MIX23: variants seen among roughly 807,000 people sequenced by gnomAD.
MIX23 encodes protein MIX23.
MIX23 carries 13 observed loss-of-function variants against 21.6 expected under a neutral mutation model. The observed-to-expected ratio is 0.60, with a 90% CI of 0.39 to 0.96. The LOEUF is 0.96. Ranked by LOEUF, MIX23 falls within the 40% of genes least tolerant of loss-of-function variation. The probability of loss-of-function intolerance (pLI) is 0.00; values close to 1 mark genes in which losing one functional copy is unlikely to be tolerated. For missense variants in MIX23, 144 were observed against 171.2 expected, an observed-to-expected ratio of 0.84 and a Z score of 0.89; for synonymous variants, 59 against 58.0, an observed-to-expected ratio of 1.02 and a Z score of -0.08.
chr3:122,375,610 T>C (rs2075479986), intron 1 of MIX23, among the ~76,000 whole-genome samples: 1 of 152,172 alleles, frequency 6.6e-6, no homozygotes, highest in Non-Finnish European at 1.5e-5. Context: ...GGGGGATGGG[T>C]ACATGAGTGT....
At chr3:122,365,354 G>T (rs2075388648) in intron 3 of MIX23, 2 of 152,110 alleles carry the variant, frequency 1.3e-5, no homozygotes, top group African/African-American at 4.8e-5. Context: ...GGCTTTGGGG[G>T]TGTCAGTTAG....
intron 1 of MIX23, among the ~76,000 whole-genome samples, chr3:122,373,438 T>A (rs1354109806): frequency 6.6e-6 from 1 of 152,086 alleles, no homozygotes; most frequent in African/African-American, 2.4e-5. Context: ...ACCTTGCTAA[T>A]TTTTTTGTAT....
chr3:122,372,224 C>CAAAAAAA (rs55800173), intron 1 of MIX23, among the ~76,000 whole-genome samples: 2 of 46,082 alleles, frequency 4.3e-5, no homozygotes, highest in Admixed American at 2.6e-4. Context: ...CTCCAACTCT[C>CAAAAAAA]AAAAAAAAAA....
chr3:122,370,456 C>CAA (rs10660235), intron 2 of MIX23, among the ~76,000 whole-genome samples: 12,761 of 47,720 alleles, frequency 0.27, 2,767 homozygotes, highest in Non-Finnish European at 0.33. Context: ...GACACTGTCT[C>CAA]AAAAAAAAAA....
In MIX23 at chr3:122,368,249, T is replaced by C. The variant is rs1256391076; in HGVS notation, c.251A>G (p.Asn84Ser). The C allele has an allele frequency of 6.2e-7, 1 of 1,610,202 alleles. No homozygotes were observed. The highest frequency in any genetic ancestry group is 1.3e-5 in the African/African-American group (1 of 74,932). The change falls in exon 3 of 5, where the codon AAC (asparagine) becomes AGC (serine). Residue 84 changes from asparagine to serine, a missense_variant. By Grantham distance (46) the Asn-to-Ser change is conservative (BLOSUM62 1). Coordinates refer to ENST00000291458, the MANE Select transcript of MIX23 (RefSeq NM_001017928.4). ...CIAQTSAVVKNLREEREKNLD... is the reference protein window; with the variant it reads ...CIAQTSAVVKSLREEREKNLD... ...ATTCTTTTCTCTCTCTTCTCGGAGG[T>C]TTTTTACTACTGCTGAAGTCTGGGC...
chr3:122,363,043 A>G lies in MIX23; in HGVS notation c.325-16T>C. 1 of 1,599,732 alleles carries G rather than the reference A, an allele frequency of 6.3e-7. No individual in the cohort carries two copies. On this transcript the variant is annotated splice_polypyrimidine_tract_variant and intron_variant, in intron 3 of 4. Coordinates refer to ENST00000291458, the MANE Select transcript of MIX23 (RefSeq NM_001017928.4). The stretch of plus-strand genomic sequence containing the variant: ...TCCATTTCAACTGCAAGAAAAAAAA[A>G]AATTGAAGTTATAAAATTTAAAGAG...
chr3:122,372,856 A>G, intron 1 of MIX23: 1 of 245,380 alleles, frequency 4.1e-6, no homozygotes, highest in Non-Finnish European at 8.0e-6. Flanking sequence ...GAATGAAAAT[A>G]AAACAGAATT....
intron 1 of MIX23, among the ~76,000 whole-genome samples, chr3:122,379,888 G>A (rs1263614266): frequency 6.6e-6 from 1 of 152,184 alleles, no homozygotes; most frequent in Non-Finnish European, 1.5e-5. Context: ...ATTGTAGGCT[G>A]ACTCTGAAAT....
Position 122,383,189 on chromosome 3 carries a change from C to T in MIX23, c.36G>A (p.Glu12=), listed in dbSNP as rs2075549866. The change falls in exon 1 of 5, where the codon GAG becomes GAA. Residue 12 remains glutamate (E), a synonymous_variant. Transcript: ENST00000291458. ...AAPSGGVNCE[E]FAEFQELLKV... ...ACCCCATCACCTGGAACTCGGCGAA[C>T]TCCTCACAGTTCACACCGCCACTGG... 5 of 1,613,624 alleles carry T rather than the reference C, an allele frequency of 3.1e-6. No individual in the cohort carries two copies. The highest frequency in any genetic ancestry group is 4.2e-6 in the Non-Finnish European group (5 of 1,180,042).
intron 1 of MIX23, among the ~76,000 whole-genome samples, chr3:122,375,774 T>A (rs1157042828): frequency 6.6e-6 from 1 of 152,270 alleles, no homozygotes; most frequent in East Asian, 1.9e-4. Flanking sequence ...ACAACCTCTA[T>A]GGAATATGTG....
chr3:122,374,767 G>A (rs777030891), intron 1 of MIX23, among the ~76,000 whole-genome samples: 6 of 152,002 alleles, frequency 3.9e-5, no homozygotes, highest in Non-Finnish European at 7.4e-5. Flanking sequence ...TTCCTGAAGG[G>A]GGAGATAGAA....
At chr3:122,374,619 G>A (rs1302419396) in intron 1 of MIX23, among the ~76,000 whole-genome samples, 4 of 152,030 alleles carry the variant, frequency 2.6e-5, no homozygotes, top group East Asian at 3.9e-4. Context: ...TTCGATCCAC[G>A]GTTGATTGAA....
intron 3 of MIX23, among the ~76,000 whole-genome samples, chr3:122,364,512 AG>A (rs1229457354): frequency 1.3e-5 from 2 of 152,212 alleles, no homozygotes. Context: ...TATGTAGAAA[AG>A]GGTTCAGAAT....
chr3:122,362,802 C>A (rs1320473521), intron 4 of MIX23, among the ~76,000 whole-genome samples, 166 bp downstream of exon 4: 1 of 124,000 alleles, frequency 8.1e-6, no homozygotes, highest in Non-Finnish European at 1.7e-5. Context: ...GCTCTCCCTA[C>A]CCTCCCCCCA....
intron 1 of MIX23, among the ~76,000 whole-genome samples, chr3:122,373,343 C>T (rs952379146): frequency 2.6e-5 from 4 of 151,824 alleles, no homozygotes; most frequent in Non-Finnish European, 4.4e-5. Context: ...GCGATCTTGG[C>T]TCACTGTAAC....
chr3:122,363,543 G>T (rs376849309), intron 3 of MIX23, among the ~76,000 whole-genome samples: 5 of 151,682 alleles, frequency 3.3e-5, no homozygotes, highest in African/African-American at 9.8e-5. Flanking sequence ...TGAACCCAGG[G>T]ATTCCAGTTC....
chr3:122,369,857 C>CTCCT (rs1404566711), intron 2 of MIX23, among the ~76,000 whole-genome samples: 1 of 152,174 alleles, frequency 6.6e-6, no homozygotes, highest in Non-Finnish European at 1.5e-5. Context: ...TCAAGCAATC[C>CTCCT]TCCTGCCTTA....
intron 2 of MIX23, among the ~76,000 whole-genome samples, chr3:122,370,863 C>T (rs2075436459): frequency 6.6e-6 from 1 of 152,176 alleles, no homozygotes; most frequent in African/African-American, 2.4e-5. Context: ...AAATAACATA[C>T]TTTAACACAG....
At chr3:122,370,860 A>G (rs1366294869) in intron 2 of MIX23, among the ~76,000 whole-genome samples, 1 of 152,242 alleles carries the variant, frequency 6.6e-6, no homozygotes, top group African/African-American at 2.4e-5. Flanking sequence ...TTAAAATAAC[A>G]TACTTTAACA....
Sources: allele counts gnomAD v4.1 joint callset (sites outside exome capture counted in the v4.1 genomes callset), GRCh38; gene constraint gnomAD v4.1.1; transcripts MANE v1.5; gene names NCBI Gene and HGNC (gene_info 2026-07-23, HGNC 2026-07-21).